ABCC9: variants seen among roughly 807,000 people sequenced by gnomAD.
ABCC9 encodes the protein ATP-binding cassette sub-family C member 9.
A neutral mutation model predicts 188.3 loss-of-function variants in ABCC9; 95 were observed. The observed-to-expected ratio is 0.50, with a 90% CI of 0.43 to 0.60. The LOEUF is 0.60. ABCC9 is among the 20% of genes least tolerant of loss of function. The probability of loss-of-function intolerance (pLI) is 0.00; values close to 1 mark genes in which losing one functional copy is unlikely to be tolerated. For missense variants in ABCC9, 1,102 were observed against 1,876.3 expected, an observed-to-expected ratio of 0.59 and a Z score of 7.62; for synonymous variants, 659 against 652.7, an observed-to-expected ratio of 1.01 and a Z score of -0.15.
Position 21,937,044 on chromosome 12 carries a change from C to T in ABCC9, c.-20-350G>A, listed in dbSNP as rs545543135. Among the ~76,000 whole-genome samples the T allele has an allele frequency of 1.5e-4, 23 of 152,044 alleles. No individual in the cohort carries two copies. The South Asian group carries it at 4.8e-3, about 32-fold the overall frequency. On this transcript the variant is annotated intron_variant, in intron 2 of 39. Transcript: ENST00000261200. The stretch of plus-strand genomic sequence containing the variant: ...AGAAAAAGGAGAAAAAAAATTGAAC[C>T]AATGACTAAAAAGTCAAAATGGTAT...
rs2137691925 is a variant in ABCC9, at chr12:21,887,935, C to T, written c.1803-1G>A. 6.2e-7 allele frequency: 1 copy of T among 1,606,650 alleles called. No homozygotes were observed. The highest frequency in any genetic ancestry group is 8.5e-7 in the Non-Finnish European group (1 of 1,173,418). On this transcript the variant is annotated splice_acceptor_variant, in intron 14 of 39. Transcript: ENST00000261200. LOFTEE classifies it high-confidence loss of function. ...GAGAAACTCATTCAGCTTTTGAACA[C>T]TGCAAAAAACAATAAACACAGAATA...
intron 5 of ABCC9, among the ~76,000 whole-genome samples, chr12:21,921,623 G>C (rs1181397920): frequency 6.6e-6 from 1 of 151,894 alleles, no homozygotes; most frequent in Admixed American, 6.6e-5. Context: ...GTGCTTGAGG[G>C]GTGTTGCTCA....
chr12:21,912,773 G>A, intron 8 of ABCC9, 99 bp downstream of exon 8: 2 of 1,009,864 alleles, frequency 2.0e-6, no homozygotes, highest in Admixed American at 2.5e-5. Context: ...CTGAAAAAAA[G>A]CCTATTTGAA....
chr12:21,856,093 C>T (rs1426200077), intron 22 of ABCC9, among the ~76,000 whole-genome samples: 2 of 152,084 alleles, frequency 1.3e-5, no homozygotes, highest in African/African-American at 4.8e-5. Flanking sequence ...GTATAAAGTA[C>T]TTAGAATCAT....
chr12:21,885,002 C>T (rs1307050811), intron 15 of ABCC9, among the ~76,000 whole-genome samples: 2 of 152,056 alleles, frequency 1.3e-5, no homozygotes, highest in African/African-American at 4.8e-5. Flanking sequence ...CCCACAGGTC[C>T]AAAAGAAATG....
chr12:21,889,626 C>A (rs704209), intron 14 of ABCC9, among the ~76,000 whole-genome samples: 49,185 of 151,976 alleles, frequency 0.32, 9,810 homozygotes, highest in African/African-American at 0.56. Context: ...ATGATTCTGA[C>A]ATTAAGTAAA....
chr12:21,798,301 T>C lies in ABCC9; in HGVS notation c.*2743A>G, dbSNP rs925484579. The C allele has an allele frequency of 2.0e-5, 3 of 151,884 alleles. No homozygotes were observed. Among genetic ancestry groups the C allele is most frequent in the African/African-American group, 4.8e-5 (2 of 41,354 alleles). The allele number at this position is 151,884 out of a possible 1,614,324, so 9.4% of individuals were successfully genotyped here. A position where few individuals can be genotyped will look rare whatever the true frequency, so the allele number is the denominator to read the frequency against. On this transcript the variant is annotated 3_prime_UTR_variant, in exon 40 of 40. Transcript: ENST00000261200. ...CCAACAGTGTAAAAGTGTTCCTATT[T>C]CTCCACATCCTCTCCAGCACCTGTT...
At chr12:21,905,225 A>T (rs1947980434) in intron 12 of ABCC9, among the ~76,000 whole-genome samples, 1 of 152,000 alleles carries the variant, frequency 6.6e-6, no homozygotes, top group Non-Finnish European at 1.5e-5. Flanking sequence ...GAACAATGAA[A>T]ACACTTGGAC....
chr12:21,906,010 A>C, intron 12 of ABCC9, 116 bp downstream of exon 12: 1 of 1,191,374 alleles, frequency 8.4e-7, no homozygotes, highest in African/African-American at 1.5e-5. Context: ...TTTAGAAAAT[A>C]AATAGGTGTC....
At chr12:21,806,143 T>C in intron 38 of ABCC9, 83 bp from the exon 39 acceptor site, 1 of 1,217,376 alleles carries the variant, frequency 8.2e-7, no homozygotes, top group Non-Finnish European at 1.2e-6. Context: ...AATATTCCAC[T>C]GAATCCCTTG....
rs1020375368 is a variant in ABCC9, at chr12:21,869,837, C to T, written c.2198+2788G>A. ...AATTCTATATCCTTGATACCTAAAT[C>T]AGTGTTTGGCATGAAGGAGGTACTC... On this transcript the variant is annotated intron_variant, in intron 18 of 39. Transcript: ENST00000261200. 6.6e-5 allele frequency among the ~76,000 whole-genome samples: 10 copies of T among 152,224 alleles called. 1 individual carries two copies. The highest frequency in any genetic ancestry group is 3.9e-4 in the East Asian group (2 of 5,180).
chr12:21,908,360 C>T (rs1362851457), intron 10 of ABCC9, 149 bp from the exon 11 acceptor site: 1 of 998,250 alleles, frequency 1.0e-6, no homozygotes. Context: ...TCTAGAGGGA[C>T]AGAATTAACC....
intron 10 of ABCC9, 27 bp from the exon 11 acceptor site, chr12:21,908,238 G>A (rs752553677): frequency 6.2e-7 from 1 of 1,611,018 alleles, no homozygotes; most frequent in African/African-American, 1.3e-5. Context: ...ATGGAAAAGA[G>A]AAGATGAATG....
intron 12 of ABCC9, among the ~76,000 whole-genome samples, chr12:21,900,495 G>C (rs1947682941): frequency 6.6e-6 from 1 of 152,210 alleles, no homozygotes; most frequent in Admixed American, 6.5e-5. Flanking sequence ...GAAGGCTTCA[G>C]ACGATCAAAC....
intron 28 of ABCC9, among the ~76,000 whole-genome samples, chr12:21,842,785 T>C (rs1190350753): frequency 1.3e-5 from 2 of 152,202 alleles, no homozygotes; most frequent in African/African-American, 2.4e-5. Context: ...AATCTTCCCA[T>C]GGCAGTGCAT....
intron 30 of ABCC9, among the ~76,000 whole-genome samples, chr12:21,837,866 T>A (rs1944181353): frequency 6.6e-6 from 1 of 152,190 alleles, no homozygotes; most frequent in Non-Finnish European, 1.5e-5. Flanking sequence ...TTCCTATCTG[T>A]TGCTTCATCC....
rs1283754953 is a variant in ABCC9 at position 21,917,024 on chromosome 12, T to C, written c.486A>G (p.Ile162Met). 1 of 1,613,902 alleles carries C rather than the reference T, an allele frequency of 6.2e-7. No homozygotes were observed. Among genetic ancestry groups the C allele is most frequent in the Admixed American group, 1.7e-5 (1 of 59,990 alleles). Reference sequence around the variant, plus strand: ...CTGTGATGCAGAAACGCAGGTTTGATATGTCCAAGCCAGACTGACAGTACT... The same window carrying C: ...CTGTGATGCAGAAACGCAGGTTTGACATGTCCAAGCCAGACTGACAGTACT... ...LVKYCQSGLD[I>M]SNLRFCITGM... Residue 162 changes from isoleucine (I) to methionine (M), a missense_variant, in exon 6 of 40, where the codon ATA becomes ATG. By Grantham distance (10) the Ile-to-Met change is conservative (BLOSUM62 1). Transcript: ENST00000261200.
chr12:21,844,751 A>G lies in ABCC9; in HGVS notation c.3245+16T>C, dbSNP rs1944555432. On this transcript the variant is annotated intron_variant, in intron 27 of 39. Coordinates refer to ENST00000261200, the MANE Select transcript of ABCC9 (RefSeq NM_020297.4). ...ATTATTTTATGTGTGGGAGTGAGAA[A>G]TAACCACTGTTTTACCTTATTGGTC... The G allele has an allele frequency of 6.2e-7, 1 of 1,613,734 alleles. No homozygotes were observed. Among genetic ancestry groups the G allele is most frequent in the Non-Finnish European group, 8.5e-7 (1 of 1,179,688 alleles).
At chr12:21,916,855 A>T (rs530580379) in intron 6 of ABCC9, 82 bp downstream of exon 6, 49 of 1,289,610 alleles carry the variant, frequency 3.8e-5, no homozygotes, top group Non-Finnish European at 5.1e-5. Flanking sequence ...CCTTGTCAAT[A>T]CTAATGATTT....
Sources: gnomAD v4.1 joint callset for allele counts (sites outside exome capture counted in the v4.1 genomes callset) on GRCh38, gnomAD v4.1.1 for gene constraint, MANE v1.5 for transcripts, NCBI Gene and HGNC (gene_info 2026-07-23, HGNC 2026-07-21) for gene names.